APOL3: variants seen among roughly 807,000 people sequenced by gnomAD.
APOL3 encodes the protein TNF-inducible protein CG12-1.
Under a neutral mutation model 11.6 loss-of-function variants are expected in APOL3, and 14 were observed. That is an observed-to-expected ratio of 1.21 (90% CI 0.80 to 1.89). The LOEUF is 1.89. Among genes scored for constraint, APOL3 ranks in the 40% most tolerant of loss-of-function variants. The pLI is 0.00. For synonymous variants in APOL3, 192 were observed against 190.6 expected, an observed-to-expected ratio of 1.01 and a Z score of -0.06; for missense variants, 483 against 492.1, an observed-to-expected ratio of 0.98 and a Z score of 0.17.
intron 2 of APOL3, among the ~76,000 whole-genome samples, chr22:36,142,349 G>T (rs1287924820): frequency 1.3e-5 from 2 of 152,188 alleles, no homozygotes; most frequent in East Asian, 1.9e-4. Flanking sequence ...AAGCAAGAGA[G>T]GTCAACATCA....
intron 1 of APOL3, chr22:36,149,877 C>A (rs779663420): frequency 2.2e-6 from 1 of 456,282 alleles, no homozygotes; most frequent in Non-Finnish European, 4.4e-6. Context: ...CCTTTGTCCC[C>A]CTTGCTTCTG....
chr22:36,152,525 T>C (rs1410124179), intron 1 of APOL3, among the ~76,000 whole-genome samples: 1 of 152,200 alleles, frequency 6.6e-6, no homozygotes, highest in Admixed American at 6.5e-5. Context: ...AATATGGCCA[T>C]TTTGTAAAGT....
At chr22:36,145,027 A>AG (rs2060139500) in intron 2 of APOL3, among the ~76,000 whole-genome samples, 2 of 116,060 alleles carry the variant, frequency 1.7e-5, no homozygotes, top group Admixed American at 7.8e-5. Context: ...AAAAAAAAAG[A>AG]AAAAAAAAGA....
intron 2 of APOL3, among the ~76,000 whole-genome samples, chr22:36,144,862 A>AT (rs1296353566): frequency 2.0e-5 from 3 of 151,312 alleles, no homozygotes; most frequent in Admixed American, 1.3e-4. Flanking sequence ...ACAAAAAAAA[A>AT]TAGCCGGATG....
At chr22:36,141,936 T>A (rs2060013117) in exon 3 of APOL3, 1 of 1,614,188 alleles carries the variant, frequency 6.2e-7, no homozygotes, top group African/African-American at 1.3e-5. Flanking sequence ...CCTCTTGACT[T>A]GGGGAAACTC....
At chr22:36,164,391 C>T (rs1603476183), upstream of APOL3, among the ~76,000 whole-genome samples, 1 of 152,224 alleles carries the variant, frequency 6.6e-6, no homozygotes, top group Non-Finnish European at 1.5e-5. Context: ...TACCAACAAA[C>T]CTGTTACAAC....
chr22:36,148,899 C>T, intron 1 of APOL3, 147 bp downstream of exon 2: 1 of 742,580 alleles, frequency 1.3e-6, no homozygotes, highest in South Asian at 1.4e-5. Flanking sequence ...CGGGGGACTC[C>T]ATGTGGCCTC....
chr22:36,144,729 G>A (rs1449947984), intron 2 of APOL3, among the ~76,000 whole-genome samples: 2 of 152,184 alleles, frequency 1.3e-5, no homozygotes, highest in Admixed American at 6.5e-5. Flanking sequence ...AAAACACTTG[G>A]TCGGGCGCAG....
intron 1 of APOL3, among the ~76,000 whole-genome samples, chr22:36,145,802 G>C (rs2060179378): frequency 6.6e-6 from 1 of 152,094 alleles, no homozygotes. Context: ...TATATTTGGA[G>C]ATTGAGCCTT....
Position 36,149,028 on chromosome 22 carries a change from A to T in APOL3, c.224-3429T>A. The stretch of plus-strand genomic sequence containing the variant: ...TGCGAGTAGGAACCAGCCAGGGAAG[A>T]GGAAGAAGCAAGCCTACCTGAGTCC... On this transcript the variant is annotated intron_variant, in intron 1 of 2. Coordinates refer to ENST00000349314, the Ensembl canonical transcript of APOL3. 1 of 1,368,400 alleles carries T rather than the reference A, an allele frequency of 7.3e-7. No homozygotes were observed. Among genetic ancestry groups the T allele is most frequent in the Non-Finnish European group, 9.8e-7 (1 of 1,021,904 alleles). The allele number at this position is 1,368,400 out of a possible 1,614,324, so 84.8% of individuals were successfully genotyped here. A position where few individuals can be genotyped will look rare whatever the true frequency, so the allele number is the denominator to read the frequency against.
chr22:36,157,144 A>G (rs2146882671), intron 1 of APOL3: 1 of 409,732 alleles, frequency 2.4e-6, no homozygotes, highest in South Asian at 1.7e-5. Flanking sequence ...GAAAGAAAAA[A>G]GAAATTTCTA....
At chr22:36,157,212 C>A (rs928179730) in intron 1 of APOL3, among the ~76,000 whole-genome samples, 1 of 152,218 alleles carries the variant, frequency 6.6e-6, no homozygotes, top group Non-Finnish European at 1.5e-5. Context: ...GCCTCCCCTC[C>A]CCCACGGCAA....
At chr22:36,141,481 T>A in exon 3 of APOL3, 1 of 1,614,204 alleles carries the variant, frequency 6.2e-7, no homozygotes, top group Non-Finnish European at 8.5e-7. Flanking sequence ...CGCCAGGTGG[T>A]CACAGGGAGT....
At chr22:36,156,174 A>G (rs1569529761) in intron 1 of APOL3, 1 of 153,454 alleles carries the variant, frequency 6.5e-6, no homozygotes, top group East Asian at 1.9e-4. Context: ...AACTCACTGT[A>G]GTGTTGACGT....
At chr22:36,158,112 GAAATT>G (rs1425149189) in intron 1 of APOL3, among the ~76,000 whole-genome samples, 1 of 152,078 alleles carries the variant, frequency 6.6e-6, no homozygotes, top group Non-Finnish European at 1.5e-5. Flanking sequence ...TGAAGAAATA[GAAATT>G]AACGTTAACC....
At chr22:36,154,962 C>A (rs1212682313) in intron 1 of APOL3, among the ~76,000 whole-genome samples, 1 of 152,186 alleles carries the variant, frequency 6.6e-6, no homozygotes, top group African/African-American at 2.4e-5. Context: ...AATCACCCAG[C>A]CAGAACCCAG....
At chr22:36,161,934 A>T (rs2146912370), upstream of APOL3, among the ~76,000 whole-genome samples, 1 of 152,272 alleles carries the variant, frequency 6.6e-6, no homozygotes, top group African/African-American at 2.4e-5. Flanking sequence ...TCCTTCAAAT[A>T]ATAGGTGCTA....
At chr22:36,156,274 T>A (rs1175481601) in intron 1 of APOL3, among the ~76,000 whole-genome samples, 1 of 152,078 alleles carries the variant, frequency 6.6e-6, no homozygotes, top group Middle Eastern at 3.2e-3. Flanking sequence ...TTATTTTCAT[T>A]TTTGCAGAGA....
chr22:36,154,028 G>A (rs1179770886), intron 1 of APOL3, among the ~76,000 whole-genome samples: 2 of 152,230 alleles, frequency 1.3e-5, no homozygotes, highest in Non-Finnish European at 2.9e-5. Flanking sequence ...GTGATAAGAG[G>A]TTGTGGAGAC....
Sources: allele counts gnomAD v4.1 joint callset (sites outside exome capture counted in the v4.1 genomes callset), GRCh38; gene constraint gnomAD v4.1.1; transcripts MANE v1.5; gene names NCBI Gene and HGNC (gene_info 2026-07-23, HGNC 2026-07-21).